NOL4L: variants seen among roughly 807,000 people sequenced by gnomAD.
The protein encoded by NOL4L is nucleolar protein 4 like.
Under a neutral mutation model 64.5 loss-of-function variants are expected in NOL4L, and 7 were observed. The ratio of observed to expected loss-of-function variants is 0.11; its 90% CI spans 0.06 to 0.20. The LOEUF is 0.20. Among genes scored for constraint, NOL4L ranks in the 10% least tolerant of loss-of-function variants. The pLI is 1.00. For missense variants in NOL4L, 680 were observed against 967.1 expected (o/e 0.70, Z 3.94); for synonymous variants, 413 against 401.0 (o/e 1.03, Z -0.36).
At chr20:32,465,111 TG>T in intron 5 of NOL4L, 1 of 540,302 alleles carries the variant, frequency 1.9e-6, no homozygotes, top group Non-Finnish European at 3.4e-6. Flanking sequence ...GCTCAAGCGG[TG>T]GGGCCCTGGA....
Position 32,453,185 on chromosome 20 carries a change from T to C in NOL4L, c.1497+119A>G. The C allele has an allele frequency of 2.8e-6, 4 of 1,418,784 alleles. No individual in the cohort carries two copies. Among genetic ancestry groups the C allele is most frequent in the Non-Finnish European group, 3.8e-6 (4 of 1,046,102 alleles). The allele number at this position is 1,418,784 out of a possible 1,614,324, so 87.9% of individuals were successfully genotyped here. On this transcript the variant is annotated intron_variant, in intron 8 of 10. Coordinates refer to ENST00000621426, the MANE Select transcript of NOL4L (RefSeq NM_001256798.2). The surrounding 1 kb of genome is among the most constrained non-coding windows in gnomAD (Gnocchi z 5.6). ...CTCATTTGCAAACCAGGGATTATGGTACTTGCTTCCAGGGCTCCTGGGAAG... is the reference window on the plus strand; with the variant it reads ...CTCATTTGCAAACCAGGGATTATGGCACTTGCTTCCAGGGCTCCTGGGAAG...
intron 1 of NOL4L, among the ~76,000 whole-genome samples, chr20:32,567,370 C>A (rs1979492539): frequency 6.6e-6 from 1 of 152,240 alleles, no homozygotes; most frequent in Non-Finnish European, 1.5e-5. Flanking sequence ...CCCAGACACA[C>A]TAGCTGCCAT....
chr20:32,459,118 A>C (rs1474226973), intron 5 of NOL4L, among the ~76,000 whole-genome samples: 1 of 152,218 alleles, frequency 6.6e-6, no homozygotes, highest in Non-Finnish European at 1.5e-5. Flanking sequence ...TTGGGCGGGT[A>C]AGACCCGTAA....
intron 10 of NOL4L, among the ~76,000 whole-genome samples, chr20:32,448,186 G>T (rs2012496026): frequency 6.6e-6 from 1 of 152,202 alleles, no homozygotes; most frequent in African/African-American, 2.4e-5. Context: ...GAAAGCCTCT[G>T]CCAGTGTGCC....
At chr20:32,543,507 A>T (rs1810635) in intron 1 of NOL4L, among the ~76,000 whole-genome samples, 81,293 of 151,948 alleles carry the variant, frequency 0.54, 26,399 homozygotes, top group East Asian at 0.99. Context: ...TAATCTCAGC[A>T]ACTAGGGAGG....
Position 32,481,964 on chromosome 20 carries a change from CGGGGGG to C in NOL4L, c.700-7228_700-7223del, listed in dbSNP as rs61641396. Among the ~76,000 whole-genome samples the C allele has an allele frequency of 7.2e-5, 2 of 27,946 alleles. 1 individual carries two copies. Among genetic ancestry groups the C allele is most frequent in the South Asian group, 2.5e-3 (2 of 796 alleles). The allele number at this position is 27,946 out of a possible 152,430, so 18.3% of individuals were successfully genotyped here. ...GTGTGTGTGAGTTGGTGGGGCGGGG[CGGGGGG>C]GGGGGAGCAGGCTGGGGTTGCCAGC... On this transcript the variant is annotated intron_variant, in intron 4 of 10. Transcript: ENST00000621426.
intron 1 of NOL4L, among the ~76,000 whole-genome samples, chr20:32,547,047 G>A (rs183653193): frequency 9.8e-5 from 15 of 152,334 alleles, no homozygotes; most frequent in East Asian, 1.9e-4. Context: ...AGGACAATCT[G>A]ATGCCACTGC....
At chr20:32,468,994 A>T (rs1042167606) in intron 5 of NOL4L, among the ~76,000 whole-genome samples, 1 of 151,862 alleles carries the variant, frequency 6.6e-6, no homozygotes, top group Non-Finnish European at 1.5e-5. Context: ...GGCTCTGGAG[A>T]GACCCAGTCC....
At chr20:32,468,671 C>T (rs900872592) in intron 5 of NOL4L, among the ~76,000 whole-genome samples, 3 of 151,974 alleles carry the variant, frequency 2.0e-5, no homozygotes, top group Admixed American at 6.6e-5. Context: ...GAGGCCGAGG[C>T]GGGCAGATCA....
chr20:32,543,434 T>C (rs191561329), intron 1 of NOL4L, among the ~76,000 whole-genome samples: 1 of 151,906 alleles, frequency 6.6e-6, no homozygotes, highest in African/African-American at 2.4e-5. Context: ...GCCTGACCAA[T>C]ATGGTGAAAC....
chr20:32,534,934 G>T (rs1013417888), intron 1 of NOL4L, among the ~76,000 whole-genome samples: 1 of 151,854 alleles, frequency 6.6e-6, no homozygotes, highest in Non-Finnish European at 1.5e-5. Flanking sequence ...AGCTTCTGGG[G>T]GGATTCCTGT....
chr20:32,503,942 A>T (rs893030822), intron 4 of NOL4L, among the ~76,000 whole-genome samples: 1 of 152,092 alleles, frequency 6.6e-6, no homozygotes, highest in Non-Finnish European at 1.5e-5. Flanking sequence ...TTTTGTAAAT[A>T]CCCAATGCCA....
intron 1 of NOL4L, among the ~76,000 whole-genome samples, chr20:32,576,031 A>G (rs979078254): frequency 1.3e-5 from 2 of 152,218 alleles, no homozygotes; most frequent in Admixed American, 1.3e-4. Context: ...GCTGAGGCCA[A>G]ATGAACGAGG....
In NOL4L at chr20:32,481,799, C is replaced by G. The variant is rs187718958; in HGVS notation, c.700-7057G>C. 1.2e-3 allele frequency among the ~76,000 whole-genome samples: 183 copies of G among 152,338 alleles called. 3 individuals carry two copies. Among genetic ancestry groups the G allele is most frequent in the African/African-American group, 4.2e-3 (175 of 41,582 alleles). On this transcript the variant is annotated intron_variant, in intron 4 of 10. Coordinates refer to ENST00000621426, the MANE Select transcript of NOL4L (RefSeq NM_001256798.2). ...ACTACCACAGGGCCTGGGCCATAAA[C>G]GGGCCTTTTCCCCAGACCAACTCAG...
At chr20:32,472,622 T>G (rs2015103838) in intron 5 of NOL4L, among the ~76,000 whole-genome samples, 1 of 152,296 alleles carries the variant, frequency 6.6e-6, no homozygotes, top group South Asian at 2.1e-4. Flanking sequence ...GGCCCAGGAC[T>G]CTAGGCTGGA....
intron 4 of NOL4L, chr20:32,475,171 A>C: frequency 5.1e-6 from 5 of 985,474 alleles, no homozygotes; most frequent in Non-Finnish European, 6.0e-6. Flanking sequence ...CCAGGCACTG[A>C]GGCTGAGCTG....
chr20:32,578,580 T>TAAAATTTTG (rs1980278260), intron 1 of NOL4L, among the ~76,000 whole-genome samples: 7 of 152,180 alleles, frequency 4.6e-5, no homozygotes, highest in African/African-American at 1.7e-4. Flanking sequence ...AGACGGGGTC[T>TAAAATTTTG]CACCATGTCC....
intron 2 of NOL4L, among the ~76,000 whole-genome samples, chr20:32,526,563 C>T (rs1236392374): frequency 6.6e-6 from 1 of 150,446 alleles, no homozygotes; most frequent in Non-Finnish European, 1.5e-5. Flanking sequence ...GCCACCTCCA[C>T]GGTAGTCCAA....
At chr20:32,482,421 C>A (rs1482913087) in intron 4 of NOL4L, among the ~76,000 whole-genome samples, 1 of 152,158 alleles carries the variant, frequency 6.6e-6, no homozygotes, top group Non-Finnish European at 1.5e-5. Flanking sequence ...CTCGGGCAAA[C>A]GCAGCTCCGG....
Sources: gnomAD v4.1 joint callset for allele counts (sites outside exome capture counted in the v4.1 genomes callset) on GRCh38, gnomAD v4.1.1 for gene constraint, Gnocchi (gnomAD v3.1) non-coding constraint, MANE v1.5 for transcripts, NCBI Gene and HGNC (gene_info 2026-07-23, HGNC 2026-07-21) for gene names.